The following MIA2 variants were observed in gnomAD, a reference collection of about 807,000 sequenced individuals.
MIA2 encodes the protein MIA SH3 domain ER export factor 2, also known as melanoma inhibitory activity protein 2.
MIA2 carries 127 observed loss-of-function variants against 167.8 expected under a neutral mutation model. The observed-to-expected ratio is 0.76, with a 90% CI of 0.66 to 0.88. The LOEUF (loss-of-function observed/expected upper bound fraction) is 0.88. Among genes scored for constraint, MIA2 ranks in the 40% least tolerant of loss-of-function variants. MIA2 has a pLI of 0.00. For synonymous variants in MIA2, 552 were observed against 541.9 expected (o/e 1.02, Z -0.26); for missense variants, 1,690 against 1,624.7 (o/e 1.04, Z -0.69).
At chr14:39,272,374 A>C (rs1459243382) in intron 6 of MIA2, among the ~76,000 whole-genome samples, 1 of 152,046 alleles carries the variant, frequency 6.6e-6, no homozygotes, top group African/African-American at 2.4e-5. Flanking sequence ...AAGAAAACTT[A>C]TTAGTAAAGG....
At chr14:39,328,706 A>C (rs114743917) in intron 25 of MIA2, among the ~76,000 whole-genome samples, 2,938 of 152,130 alleles carry the variant, frequency 0.019, 107 homozygotes, top group African/African-American at 0.068. Context: ...TTCCGAACGC[A>C]ATTTATTAAA....
chr14:39,353,273 C>T (rs986608844), downstream of MIA2, among the ~76,000 whole-genome samples: 11 of 152,076 alleles, frequency 7.2e-5, no homozygotes, highest in Admixed American at 5.2e-4. Context: ...TCAAAATTAT[C>T]AAAGATTAGA....
At chr14:39,303,080 A>G (rs965127939) in intron 15 of MIA2, among the ~76,000 whole-genome samples, 2 of 152,336 alleles carry the variant, frequency 1.3e-5, no homozygotes, top group Non-Finnish European at 1.5e-5. Flanking sequence ...ACTTTATTAT[A>G]TATAAAATAA....
In MIA2 at chr14:39,308,584, A is replaced by G; in HGVS notation, c.3014A>G (p.His1005Arg). The part of the protein sequence containing the change: ...ELYQENEMKL[H>R]RKLTVEENYR... Reference sequence around the variant, plus strand: ...TATCAAGAAAATGAAATGAAACTCCACAGGTAATAAAAATTATGTTAACTC... The same window carrying G: ...TATCAAGAAAATGAAATGAAACTCCGCAGGTAATAAAAATTATGTTAACTC... The change falls in exon 18 of 29, where the codon CAC (histidine) becomes CGC (arginine). Residue 1005 changes from histidine to arginine, a missense_variant. Physicochemically the swap from His to Arg is conservative, Grantham distance 29 (BLOSUM62 0). Coordinates refer to ENST00000640607, the MANE Select transcript of MIA2 (RefSeq NM_001329214.4). 6.5e-7 allele frequency: 1 copy of G among 1,548,372 alleles called. No individual in the cohort carries two copies. Among genetic ancestry groups the G allele is most frequent in the Non-Finnish European group, 8.7e-7 (1 of 1,143,826 alleles).
At chr14:39,365,562 A>C (rs2074801840) in intron 23 of MIA2, among the ~76,000 whole-genome samples, 1 of 151,880 alleles carries the variant, frequency 6.6e-6, no homozygotes, top group South Asian at 2.1e-4. Context: ...CCTCTGGTTG[A>C]TCTAGTCTGT....
chr14:39,334,787 C>G (rs548646836), intron 25 of MIA2, among the ~76,000 whole-genome samples: 2 of 152,180 alleles, frequency 1.3e-5, no homozygotes, highest in Non-Finnish European at 1.5e-5. Flanking sequence ...AGGCTTGTCT[C>G]GAACTCCTGA....
At chr14:39,312,376 A>T (rs760845945) in intron 18 of MIA2, among the ~76,000 whole-genome samples, 8 of 152,236 alleles carry the variant, frequency 5.3e-5, no homozygotes, top group Non-Finnish European at 8.8e-5. Flanking sequence ...ACATCCATGA[A>T]AGTGATTGAC....
At position 39,343,515 on chromosome 14, in the gene MIA2, A is replaced by T. The variant is rs145221385; in HGVS notation, c.3656-2389A>T. 2.0e-5 allele frequency among the ~76,000 whole-genome samples: 3 copies of T among 152,304 alleles called. 1 individual carries two copies. The highest frequency in any genetic ancestry group is 7.2e-5 in the African/African-American group (3 of 41,570). On this transcript the variant is annotated intron_variant, in intron 25 of 28. Transcript: ENST00000640607. ...AGCTGTGAATGAAGTATATGAGAGT[A>T]GCTGATTTCTGCAGTATAATTCTTA...
intron 23 of MIA2, among the ~76,000 whole-genome samples, chr14:39,366,991 C>A (rs2074835801): frequency 6.6e-6 from 1 of 152,148 alleles, no homozygotes; most frequent in Admixed American, 6.5e-5. Context: ...CAGTGGCGCA[C>A]GCTTGGGTCC....
At chr14:39,263,994 GT>G (rs2055287833) in intron 6 of MIA2, among the ~76,000 whole-genome samples, 1 of 151,918 alleles carries the variant, frequency 6.6e-6, no homozygotes, top group Admixed American at 6.6e-5. Flanking sequence ...GTACAGGTTT[GT>G]TACAAGGGTT....
chr14:39,266,468 G>C (rs999692036), intron 6 of MIA2: 1 of 985,460 alleles, frequency 1.0e-6, no homozygotes, highest in African/African-American at 1.7e-5. Flanking sequence ...TAGCATTTGG[G>C]TAACTGGCCG....
intron 9 of MIA2, among the ~76,000 whole-genome samples, chr14:39,284,626 C>T (rs1300543196): frequency 6.6e-6 from 1 of 152,134 alleles, no homozygotes; most frequent in Non-Finnish European, 1.5e-5. Context: ...GTGTGCTCCT[C>T]AATTTCTTTC....
In MIA2 at chr14:39,279,340, A is replaced by G; in HGVS notation, c.2023A>G (p.Arg675Gly). The G allele has an allele frequency of 6.2e-7, 1 of 1,606,544 alleles. No individual in the cohort carries two copies. Among genetic ancestry groups the G allele is most frequent in the East Asian group, 2.2e-5 (1 of 44,782 alleles). ...FFLWRSFRSV[R>G]SRLYVGREKK... ...TTTTGTTAAAAATTTGTTTCAGGTT[A>G]GGAGTCGGCTTTATGTGGGTAAGTT... is the stretch of plus-strand genomic sequence containing the variant. Residue 675 changes from arginine (R) to glycine (G), a missense_variant, in exon 8 of 29, where the codon AGG (arginine) becomes GGG (glycine). By Grantham distance (125) the Arg-to-Gly change is moderately radical. Transcript: ENST00000640607.
At chr14:39,267,267 GGGCAGCGTAGGCCTGTGA>G (rs2055956022) in intron 6 of MIA2, 1 of 1,426,506 alleles carries the variant, frequency 7.0e-7, no homozygotes, top group Admixed American at 2.9e-5. Flanking sequence ...GGGTCGGGAT[GGGCAGCGTAGGCCTGTGA>G]GGCCTGCGGG....
At chr14:39,311,836 G>T (rs200421631) in intron 18 of MIA2, among the ~76,000 whole-genome samples, 24,586 of 96,490 alleles carry the variant, frequency 0.25, 2,301 homozygotes, top group South Asian at 0.33. Flanking sequence ...GTGTGTGTGT[G>T]TTTTTTTTTT....
intron 6 of MIA2, chr14:39,265,966 G>T (rs2055562353): frequency 1.0e-6 from 1 of 985,362 alleles, no homozygotes; most frequent in South Asian, 4.7e-5. Flanking sequence ...GGCTGATGTG[G>T]CAAAGGAGAA....
Position 39,313,357 on chromosome 14 carries a change from A to C in MIA2, c.3035A>C (p.Glu1012Ala). Residue 1012 changes from glutamate (E) to alanine (A), a missense_variant, in exon 19 of 29, where the codon GAA becomes GCA. By Grantham distance (107) the Glu-to-Ala change is moderately radical. Transcript: ENST00000640607. ...TTTTTAAGGAAATTAACAGTAGAGG[A>C]AAATTATCGGTTAGAGAAAGAAGAG... Reference protein sequence around the residue: ...MKLHRKLTVEENYRLEKEEKL... With the variant: ...MKLHRKLTVEANYRLEKEEKL... 6.3e-7 allele frequency: 1 copy of C among 1,591,672 alleles called. No individual in the cohort carries two copies. The highest frequency in any genetic ancestry group is 1.1e-5 in the South Asian group (1 of 87,704).
At chr14:39,322,026 C>T (rs555275645) in intron 24 of MIA2, among the ~76,000 whole-genome samples, 2 of 152,186 alleles carry the variant, frequency 1.3e-5, no homozygotes, top group East Asian at 3.9e-4. Context: ...ATCCACCCGC[C>T]TCAGCCTCCC....
intron 9 of MIA2, among the ~76,000 whole-genome samples, chr14:39,288,451 A>ATTTTTTTTTTTTTTT (rs1566746956): frequency 1.1e-4 from 1 of 8,790 alleles, no homozygotes; most frequent in African/African-American, 4.1e-4. Flanking sequence ...ATATATATAT[A>ATTTTTTTTTTTTTTT]TATATATATA....
Sources: gnomAD v4.1 joint callset for allele counts (sites outside exome capture counted in the v4.1 genomes callset) on GRCh38, gnomAD v4.1.1 for gene constraint, MANE v1.5 for transcripts, NCBI Gene and HGNC (gene_info 2026-07-23, HGNC 2026-07-21) for gene names.